Variants in OR2L13 observed in about 807,000 individuals in gnomAD.
The protein encoded by OR2L13 is olfactory receptor family 2 subfamily L member 13.
In OR2L13, 14 loss-of-function variants were observed where a neutral mutation model predicts 15.3. The observed-to-expected ratio is 0.91, with a 90% CI of 0.60 to 1.43. The LOEUF is 1.43. Ranked by LOEUF, OR2L13 falls within the 40% of genes most tolerant of loss-of-function variation. OR2L13 has a pLI of 0.00. For missense variants in OR2L13, 367 were observed against 387.9 expected, an observed-to-expected ratio of 0.95 and a Z score of 0.45; for synonymous variants, 152 against 142.9, an observed-to-expected ratio of 1.06 and a Z score of -0.45.
chr1:247,985,122 T>C, the OR2L13 span, among the ~76,000 whole-genome samples: 2 of 152,336 alleles, frequency 1.3e-5, no homozygotes, highest in African/African-American at 4.8e-5. Flanking sequence ...TTTTTAATAC[T>C]TTAAGTTCTA....
the OR2L13 span, among the ~76,000 whole-genome samples, chr1:248,068,820 G>T: frequency 1.1e-4 from 16 of 152,334 alleles, 1 homozygote; most frequent in South Asian, 1.9e-3. Context: ...AGAACTACAT[G>T]AAGAATGCAG....
chr1:248,026,600 A>T, the OR2L13 span, among the ~76,000 whole-genome samples: 1 of 152,226 alleles, frequency 6.6e-6, no homozygotes, highest in Non-Finnish European at 1.5e-5. Flanking sequence ...GCGGGAAGTC[A>T]GGACCCCGAA....
chr1:247,992,653 G>T, the OR2L13 span, among the ~76,000 whole-genome samples: 1 of 152,108 alleles, frequency 6.6e-6, no homozygotes, highest in African/African-American at 2.4e-5. Flanking sequence ...CAGTCAATTT[G>T]CTTAGGATTA....
chr1:248,052,409 C>G, the OR2L13 span, among the ~76,000 whole-genome samples: 836 of 152,162 alleles, frequency 5.5e-3, 11 homozygotes, highest in African/African-American at 0.019. Flanking sequence ...GTTTTGATTA[C>G]TATAGCTTCG....
At chr1:248,096,323 C>T (rs558432124), upstream of OR2L13, among the ~76,000 whole-genome samples, 10 of 150,918 alleles carry the variant, frequency 6.6e-5, no homozygotes, top group African/African-American at 2.4e-4. Context: ...GCGGAGCTTG[C>T]AGTGAGCCAA....
At chr1:248,077,776 T>C in the OR2L13 span, among the ~76,000 whole-genome samples, 1 of 152,192 alleles carries the variant, frequency 6.6e-6, no homozygotes, top group Admixed American at 6.5e-5. Context: ...TCAAAGGACT[T>C]GTGTAGAGAA....
the OR2L13 span, among the ~76,000 whole-genome samples, chr1:248,047,949 A>G: frequency 6.6e-6 from 1 of 152,228 alleles, no homozygotes; most frequent in Non-Finnish European, 1.5e-5. Context: ...TATAAGATAC[A>G]GGGTCAGACA....
chr1:247,980,712 A>G, the OR2L13 span, among the ~76,000 whole-genome samples: 1 of 152,242 alleles, frequency 6.6e-6, no homozygotes, highest in Non-Finnish European at 1.5e-5. Flanking sequence ...CAAAACAGTC[A>G]TTAAACTTGT....
the OR2L13 span, among the ~76,000 whole-genome samples, chr1:247,957,100 T>C: frequency 1.3e-5 from 2 of 152,200 alleles, no homozygotes; most frequent in Non-Finnish European, 2.9e-5. Flanking sequence ...ATAGCTCTTA[T>C]TATTTTGAGA....
chr1:248,056,289 T>C, the OR2L13 span, among the ~76,000 whole-genome samples: 1 of 152,088 alleles, frequency 6.6e-6, no homozygotes, highest in Non-Finnish European at 1.5e-5. Flanking sequence ...GTTTATTGAT[T>C]TTTTTTTCAA....
chr1:248,096,205 G>A (rs1023340179), upstream of OR2L13, among the ~76,000 whole-genome samples: 11 of 151,546 alleles, frequency 7.3e-5, no homozygotes, highest in African/African-American at 2.2e-4. Flanking sequence ...AGTGAAACCC[G>A]GTCTCTACTG....
the OR2L13 span, among the ~76,000 whole-genome samples, chr1:247,960,714 C>T: frequency 1.3e-5 from 2 of 152,214 alleles, no homozygotes; most frequent in Non-Finnish European, 1.5e-5. Flanking sequence ...ATGAGTGAGG[C>T]TCCGTTGGCG....
At chr1:248,002,507 A>G in the OR2L13 span, among the ~76,000 whole-genome samples, 11 of 152,330 alleles carry the variant, frequency 7.2e-5, no homozygotes, top group East Asian at 2.1e-3. Context: ...TTCACTTAGC[A>G]TAATGTATTC....
the OR2L13 span, among the ~76,000 whole-genome samples, chr1:247,951,899 A>G: frequency 5.9e-5 from 9 of 152,078 alleles, no homozygotes; most frequent in Admixed American, 4.6e-4. Context: ...ATCACCATCA[A>G]TATGAGCCCA....
the OR2L13 span, among the ~76,000 whole-genome samples, chr1:248,043,154 G>T: frequency 6.6e-6 from 1 of 152,118 alleles, no homozygotes; most frequent in African/African-American, 2.4e-5. Flanking sequence ...CCGCCCTGCT[G>T]CTTTGAGCTA....
the OR2L13 span, chr1:248,022,006 C>G: frequency 1.9e-6 from 3 of 1,613,956 alleles, no homozygotes. Flanking sequence ...TTCCCACCAT[C>G]AAAAATTGGC....
chr1:247,998,913 A>G, the OR2L13 span, among the ~76,000 whole-genome samples: 1 of 152,192 alleles, frequency 6.6e-6, no homozygotes, highest in Non-Finnish European at 1.5e-5. Context: ...GAAGCAAATG[A>G]GCAGAGCATG....
chr1:247,981,694 G>C, the OR2L13 span, among the ~76,000 whole-genome samples: 1 of 151,834 alleles, frequency 6.6e-6, no homozygotes, highest in African/African-American at 2.4e-5. Flanking sequence ...GTAAGTGATA[G>C]TGATTATTTT....
At chr1:247,971,566 A>C in the OR2L13 span, among the ~76,000 whole-genome samples, 1 of 152,030 alleles carries the variant, frequency 6.6e-6, no homozygotes, top group Admixed American at 6.5e-5. Flanking sequence ...ACCCTCATCT[A>C]GATAAAGTAA....
Sources: allele counts gnomAD v4.1 joint callset (sites outside exome capture counted in the v4.1 genomes callset), GRCh38; gene constraint gnomAD v4.1.1; transcripts MANE v1.5; gene names NCBI Gene and HGNC (gene_info 2026-07-23, HGNC 2026-07-21).